The following AHCTF1 variants were observed in gnomAD, a reference collection of about 807,000 sequenced individuals.
The protein encoded by AHCTF1 is protein ELYS.
Under a neutral mutation model 248.4 loss-of-function variants are expected in AHCTF1, and 24 were observed. The observed-to-expected ratio is 0.10, with a 90% CI of 0.07 to 0.14. AHCTF1 has a LOEUF of 0.14. AHCTF1 is among the 10% of genes least tolerant of loss of function. AHCTF1 has a pLI of 1.00. For synonymous variants in AHCTF1, 786 were observed against 929.8 expected (o/e 0.85, Z 2.81); for missense variants, 2,206 against 2,636.2 (o/e 0.84, Z 3.57).
At position 246,861,124 on chromosome 1, in the gene AHCTF1, C is replaced by T. The variant is rs780436531; in HGVS notation, c.3907G>A (p.Val1303Met). Residue 1303 changes from valine to methionine, a missense_variant, in exon 29 of 36, where the codon GTG (valine) becomes ATG (methionine). By Grantham distance (21) the Val-to-Met change is conservative (BLOSUM62 1). Coordinates refer to ENST00000648844, the MANE Select transcript of AHCTF1 (RefSeq NM_001323342.2). ...EGSQSLEKLD[V>M]SKGNSSVSIT... ...GAAACACTGCTGTTTCCTTTGCTCA[C>T]ATCCAGTTTCTCTAAACTTTGTGAC... 3 of 1,614,002 alleles carry T rather than the reference C, an allele frequency of 1.9e-6. No homozygotes were observed. The Admixed American group carries it at 5.0e-5, about 27-fold the overall frequency.
chr1:246,910,032 G>C, intron 4 of AHCTF1, among the ~76,000 whole-genome samples: 1 of 152,208 alleles, frequency 6.6e-6, no homozygotes, highest in East Asian at 1.9e-4. Context: ...ATCACTAATT[G>C]AAACTACTAG....
chr1:246,863,661 G>C (rs1228957396), intron 27 of AHCTF1, among the ~76,000 whole-genome samples: 1 of 152,154 alleles, frequency 6.6e-6, no homozygotes, highest in Non-Finnish European at 1.5e-5. Context: ...TCAAGAACCT[G>C]AAAGTATTAC....
intron 11 of AHCTF1, among the ~76,000 whole-genome samples, chr1:246,898,973 T>C (rs779327424): frequency 3.9e-5 from 6 of 152,104 alleles, no homozygotes; most frequent in Non-Finnish European, 7.4e-5. Flanking sequence ...CCTGTAATCC[T>C]AGCTATTCAG....
chr1:246,904,795 ATTACTAGTTCTTATTTCTT>A (rs987223960), intron 6 of AHCTF1, among the ~76,000 whole-genome samples: 2 of 152,138 alleles, frequency 1.3e-5, no homozygotes, highest in African/African-American at 4.8e-5. Context: ...AATAATTCCT[ATTACTAGTTCTTATTTCTT>A]TTACTTGGCT....
Position 246,862,106 on chromosome 1 carries a change from C to T in AHCTF1, c.3588G>A (p.Glu1196=). ...AMSVTTSGFS[E]FTPQSILRST... is the part of the protein sequence containing the mutation. ...ACCTCAGGATGGACTGAGGAGTGAA[C>T]TCAGAAAATCCAGAAGTAGTAACTG... is the stretch of plus-strand genomic sequence containing the variant. The change falls in exon 28 of 36, where the codon GAG becomes GAA. Residue 1196 remains glutamate (E), a synonymous_variant. Coordinates refer to ENST00000648844, the MANE Select transcript of AHCTF1 (RefSeq NM_001323342.2). The T allele has an allele frequency of 6.2e-7, 1 of 1,608,050 alleles. No homozygotes were observed. Among genetic ancestry groups the T allele is most frequent in the Non-Finnish European group, 8.5e-7 (1 of 1,178,198 alleles).
At chr1:246,866,986 A>G (rs1436045298) in intron 26 of AHCTF1, among the ~76,000 whole-genome samples, 1 of 152,202 alleles carries the variant, frequency 6.6e-6, no homozygotes, top group Non-Finnish European at 1.5e-5. Flanking sequence ...AAGGAAAGTA[A>G]GTTAATAGTT....
At chr1:246,927,724 G>T (rs1173704239) in intron 1 of AHCTF1, among the ~76,000 whole-genome samples, 1 of 152,254 alleles carries the variant, frequency 6.6e-6, no homozygotes, top group Non-Finnish European at 1.5e-5. Flanking sequence ...ACTGTTCATG[G>T]CCGGGCGCGG....
At chr1:246,887,933 A>C (rs1051260951) in intron 19 of AHCTF1, among the ~76,000 whole-genome samples, 6 of 152,210 alleles carry the variant, frequency 3.9e-5, no homozygotes, top group Non-Finnish European at 7.3e-5. Flanking sequence ...GGACACATTT[A>C]AGTGTCTGAT....
rs147658943 is a variant in AHCTF1 at position 246,877,229 on chromosome 1, T to C, written c.2734A>G (p.Met912Val). The change falls in exon 22 of 36, where the codon ATG (methionine) becomes GTG (valine). Residue 912 changes from methionine (M) to valine (V), a missense_variant. By Grantham distance (21) the Met-to-Val change is conservative. Around this residue, in one of 6 missense-constraint regions of AHCTF1, gnomAD observed 955 missense variants for 1,055.6 expected, o/e 0.90. Transcript: ENST00000648844. ...RLNIEELLKH[M>V]YEVCQEMGLM... Reference sequence around the variant, plus strand: ...CCCATTTCCTGACAGACTTCATACATGTGCTTCAGTAACTCCTCTATATTC... The same window carrying C: ...CCCATTTCCTGACAGACTTCATACACGTGCTTCAGTAACTCCTCTATATTC... The C allele has an allele frequency of 0.026, 42,482 of 1,613,294 alleles. 671 individuals are homozygous for C. Among genetic ancestry groups the C allele is most frequent in the Non-Finnish European group, 0.032 (37,241 of 1,179,760 alleles).
At chr1:246,868,761 C>T (rs541594533) in intron 24 of AHCTF1, among the ~76,000 whole-genome samples, 22 of 150,756 alleles carry the variant, frequency 1.5e-4, no homozygotes, top group African/African-American at 4.5e-4. Context: ...GGTTACAGAG[C>T]AGCCAATAAA....
In AHCTF1 at chr1:246,863,909, T is replaced by C. The variant is rs900855562; in HGVS notation, c.3540+15A>G. 17 of 1,612,634 alleles carry C rather than the reference T, an allele frequency of 1.1e-5. No homozygotes were observed. The highest frequency in any genetic ancestry group is 1.4e-5 in the Non-Finnish European group (16 of 1,178,820). ...ATCTAGTTTGATTGTGAACGCTAGA[T>C]GCGTAAATACTAACCTTAACTACAA... On this transcript the variant is annotated intron_variant, in intron 27 of 35. Transcript: ENST00000648844.
At chr1:246,903,888 C>T in intron 7 of AHCTF1, 61 bp downstream of exon 7, 4 of 1,086,354 alleles carry the variant, frequency 3.7e-6, no homozygotes, top group Non-Finnish European at 5.4e-6. Flanking sequence ...ACAAAGACAA[C>T]ATATTTAAAA....
intron 10 of AHCTF1, 35 bp downstream of exon 10, chr1:246,900,030 C>T: frequency 1.3e-6 from 2 of 1,558,106 alleles, no homozygotes; most frequent in Non-Finnish European, 1.7e-6. Flanking sequence ...TTGTGCATTA[C>T]TTTTCTTAAG....
chr1:246,867,622 A>G (rs1342465536), intron 25 of AHCTF1, 39 bp downstream of exon 25: 1 of 1,601,738 alleles, frequency 6.2e-7, no homozygotes, highest in Admixed American at 1.7e-5. Context: ...AGTAAAGATT[A>G]ACAAGCAGCA....
chr1:246,851,147 G>A lies in AHCTF1; in HGVS notation c.4859C>T (p.Thr1620Ile), dbSNP rs140585119. The change falls in exon 33 of 36, where the codon ACA becomes ATA. Residue 1620 changes from threonine to isoleucine, a missense_variant. Physicochemically the swap from Thr to Ile is moderately conservative, Grantham distance 89. Transcript: ENST00000648844. ...GCATACAAGTTTTTCTTCAGTTGCT[G>A]TGTTAGCTGCTTTAGGTAACACATC... ...SSDVLPKAANTATEEKLVCSG... is the reference protein window; with the variant it reads ...SSDVLPKAANIATEEKLVCSG... The A allele has an allele frequency of 1.1e-5, 18 of 1,613,868 alleles. No individual in the cohort carries two copies. In the African/African-American group the frequency reaches 2.0e-4, roughly 18 times the overall value.
At position 246,888,527 on chromosome 1, in the gene AHCTF1, G is replaced by A. The variant is rs773200330; in HGVS notation, c.2145-10C>T. Reference sequence around the variant, plus strand: ...GGGATTCCACTTCCCTCTGCAATCAGGGAAAAATTAAGACTTATTTAATAT... The same window carrying A: ...GGGATTCCACTTCCCTCTGCAATCAAGGAAAAATTAAGACTTATTTAATAT... On this transcript the variant is annotated splice_polypyrimidine_tract_variant and intron_variant, in intron 17 of 35. Transcript: ENST00000648844. The A allele has an allele frequency of 6.2e-7, 1 of 1,611,720 alleles. No individual in the cohort carries two copies.
chr1:246,922,848 TG>T (rs1454276192), intron 1 of AHCTF1, among the ~76,000 whole-genome samples: 1 of 150,514 alleles, frequency 6.6e-6, no homozygotes, highest in Admixed American at 6.6e-5. Context: ...CCGGGCGTGG[TG>T]GCAGGCGCCT....
At chr1:246,863,830 C>A in intron 27 of AHCTF1, 94 bp downstream of exon 27, 1 of 1,241,956 alleles carries the variant, frequency 8.1e-7, no homozygotes, top group Non-Finnish European at 1.2e-6. Flanking sequence ...ACTCCCCAAG[C>A]GTATCAGTTA....
intron 6 of AHCTF1, among the ~76,000 whole-genome samples, chr1:246,904,299 TTC>T (rs1665229059): frequency 6.6e-6 from 1 of 152,236 alleles, no homozygotes; most frequent in African/African-American, 2.4e-5. Flanking sequence ...TTACTCAATA[TTC>T]TTTCTCAAAT....
Sources: gnomAD v4.1 joint callset for allele counts (sites outside exome capture counted in the v4.1 genomes callset) on GRCh38, gnomAD v4.1.1 for gene constraint, gnomAD v4.1.1 regional missense constraint, MANE v1.5 for transcripts, NCBI Gene and HGNC (gene_info 2026-07-23, HGNC 2026-07-21) for gene names.